AQP3: variants seen among roughly 807,000 people sequenced by gnomAD.
AQP3 encodes aquaporin 3 (Gill blood group), also known as aquaporin-3.
Under a neutral mutation model 30.3 loss-of-function variants are expected in AQP3, and 15 were observed. The ratio of observed to expected loss-of-function variants is 0.49; its 90% CI spans 0.33 to 0.76. The LOEUF (loss-of-function observed/expected upper bound fraction) is 0.76. Ranked by LOEUF, AQP3 falls within the 30% of genes least tolerant of loss-of-function variation. The pLI is 0.02. For missense variants in AQP3, 272 were observed against 384.8 expected, an observed-to-expected ratio of 0.71 and a Z score of 2.45; for synonymous variants, 153 against 163.2, an observed-to-expected ratio of 0.94 and a Z score of 0.47.
chr9:33,446,360 T>C (rs1249227967), intron 1 of AQP3, among the ~76,000 whole-genome samples: 1 of 152,110 alleles, frequency 6.6e-6, no homozygotes, highest in African/African-American at 2.4e-5. Context: ...CCTCAACCAT[T>C]TGGGGATCCC....
chr9:33,441,708 CCCCCA>C lies in AQP3; in HGVS notation c.*330_*334del. Reference sequence around the variant, plus strand: ...CCTTGCCCTGAATATCTGGGAACCCCCCCCACACACACACACCCCTGCACACACAT... The same window carrying C: ...CCTTGCCCTGAATATCTGGGAACCCCCACACACACACCCCTGCACACACAT... On this transcript the variant is annotated 3_prime_UTR_variant, in exon 6 of 6. Transcript: ENST00000297991. 1 of 417,910 alleles carries C rather than the reference CCCCCA, an allele frequency of 2.4e-6. No homozygotes were observed. The highest frequency in any genetic ancestry group is 4.1e-6 in the Non-Finnish European group (1 of 245,342). 25.9% of individuals were successfully genotyped at this position (417,910 alleles called of 1,614,324 possible). A position where few individuals can be genotyped will look rare whatever the true frequency, so the allele number is the denominator to read the frequency against.
rs1384500434 is a variant in AQP3 at position 33,442,310 on chromosome 9, G to A, written c.701C>T (p.Ala234Val). The stretch of plus-strand genomic sequence containing the variant: ...TGGGGGCTGTACTCACGTGAAGACT[G>A]CAGAGCCCCAGCCCGCAAGGGCTGT... Reference protein sequence around the residue: ...LFTALAGWGSAVFTTGQHWWW... With the variant: ...LFTALAGWGSVVFTTGQHWWW... Residue 234 changes from alanine to valine, a missense_variant, in exon 5 of 6, where the codon GCA (alanine) becomes GTA (valine). By Grantham distance (64) the Ala-to-Val change is moderately conservative. This residue lies in a region of AQP3 where 170 missense variants were observed against 286.4 expected (regional missense o/e 0.59). Coordinates refer to ENST00000297991, the MANE Select transcript of AQP3 (RefSeq NM_004925.5). 6.2e-7 allele frequency: 1 copy of A among 1,612,952 alleles called. No homozygotes were observed. The highest frequency in any genetic ancestry group is 8.5e-7 in the Non-Finnish European group (1 of 1,179,654).
Position 33,443,114 on chromosome 9 carries a change from G to C in AQP3, c.374-144C>G. 9.5e-7 allele frequency: 1 copy of C among 1,054,086 alleles called. No homozygotes were observed. The highest frequency in any genetic ancestry group is 1.4e-6 in the Non-Finnish European group (1 of 701,160). 65.3% of individuals were successfully genotyped at this position (1,054,086 alleles called of 1,614,324 possible). ...GCAGCAGGCAGAGGGGGTGGCGTGGGGTGGGGTGGAGGGCCTGAGACTCTG... is the reference window on the plus strand; with the variant it reads ...GCAGCAGGCAGAGGGGGTGGCGTGGCGTGGGGTGGAGGGCCTGAGACTCTG... On this transcript the variant is annotated intron_variant, in intron 3 of 5. Coordinates refer to ENST00000297991, the MANE Select transcript of AQP3 (RefSeq NM_004925.5). This position sits in a 1 kb window ranked among gnomAD's most constrained non-coding sequence, Gnocchi z 5.0.
Position 33,441,816 on chromosome 9 carries a change from T to G in AQP3, c.*227A>C, listed in dbSNP as rs767327688. Reference sequence around the variant, plus strand: ...TCCCTTGGGAGACAAAAGGATGTATTGACCCAAATTCCGGTTCCACCCCAG... The same window carrying G: ...TCCCTTGGGAGACAAAAGGATGTATGGACCCAAATTCCGGTTCCACCCCAG... On this transcript the variant is annotated 3_prime_UTR_variant, in exon 6 of 6. Coordinates refer to ENST00000297991, the MANE Select transcript of AQP3 (RefSeq NM_004925.5). The G allele has an allele frequency of 3.0e-6, 2 of 660,298 alleles. No homozygotes were observed. The highest frequency in any genetic ancestry group is 5.5e-5 in the Admixed American group (2 of 36,656). 40.9% of individuals were successfully genotyped at this position (660,298 alleles called of 1,614,324 possible). A position where few individuals can be genotyped will look rare whatever the true frequency, so the allele number is the denominator to read the frequency against.
At position 33,443,388 on chromosome 9, in the gene AQP3, G is replaced by T; in HGVS notation, c.306C>A (p.Pro102=). ...FLAREPWIKL[P]IYTLAQTLGA... is the part of the protein sequence containing the mutation. ...CCAGCGTCTGTGCCAGGGTGTAGATGGGCAGCTTGATCCAGGGCTCACGAG... is the reference window on the plus strand; with the variant it reads ...CCAGCGTCTGTGCCAGGGTGTAGATTGGCAGCTTGATCCAGGGCTCACGAG... The change falls in exon 3 of 6, where the codon CCC becomes CCA. Residue 102 remains proline, a synonymous_variant. Coordinates refer to ENST00000297991, the MANE Select transcript of AQP3 (RefSeq NM_004925.5). This position sits in a 1 kb window ranked among gnomAD's most constrained non-coding sequence, Gnocchi z 5.0. 6.2e-7 allele frequency: 1 copy of T among 1,604,050 alleles called. No homozygotes were observed. Among genetic ancestry groups the T allele is most frequent in the Non-Finnish European group, 8.5e-7 (1 of 1,175,670 alleles).
In AQP3 at chr9:33,441,883, G is replaced by C; in HGVS notation, c.*160C>G. On this transcript the variant is annotated 3_prime_UTR_variant, in exon 6 of 6. Transcript: ENST00000297991. ...TAAGGTGCTATTTGGGCAAGGTCCA[G>C]TGGAAATCCTGAAGGGGCTGTCTCG... The C allele has an allele frequency of 8.1e-7, 1 of 1,229,602 alleles. No individual in the cohort carries two copies. The highest frequency in any genetic ancestry group is 1.4e-5 in the South Asian group (1 of 70,304). The allele number at this position is 1,229,602 out of a possible 1,614,324, so 76.2% of individuals were successfully genotyped here. A position where few individuals can be genotyped will look rare whatever the true frequency, so the allele number is the denominator to read the frequency against.
intron 1 of AQP3, among the ~76,000 whole-genome samples, chr9:33,447,158 A>G (rs1826924926): frequency 6.6e-6 from 1 of 152,194 alleles, no homozygotes; most frequent in Non-Finnish European, 1.5e-5. Flanking sequence ...TGGCTGAGTC[A>G]CTTGTGGGAG....
chr9:33,447,307 A>C, intron 1 of AQP3, 116 bp downstream of exon 1: 1 of 898,512 alleles, frequency 1.1e-6, no homozygotes, highest in Non-Finnish European at 1.8e-6. Context: ...CGTGGGGGTC[A>C]CAGCTGGGGA....
rs1247288996 is a variant in AQP3, at chr9:33,443,360, C to A, written c.334G>T (p.Ala112Ser). 3.8e-6 allele frequency: 6 copies of A among 1,594,302 alleles called. No individual in the cohort carries two copies. The highest frequency in any genetic ancestry group is 5.1e-6 in the Non-Finnish European group (6 of 1,170,458). The change falls in exon 3 of 6, where the codon GCC becomes TCC. Residue 112 changes from alanine (A) to serine (S), a missense_variant. By Grantham distance (99) the Ala-to-Ser change is moderately conservative (BLOSUM62 1). This residue lies in a region of AQP3 where 170 missense variants were observed against 286.4 expected (regional missense o/e 0.59). Transcript: ENST00000297991. This position sits in a 1 kb window ranked among gnomAD's most constrained non-coding sequence, Gnocchi z 5.0. ...AAAACTATTCCAGCACCCAAGAAGG[C>A]TCCCAGCGTCTGTGCCAGGGTGTAG... The part of the protein sequence containing the change: ...PIYTLAQTLG[A>S]FLGAGIVFGL...
chr9:33,441,954 C>G lies in AQP3; in HGVS notation c.*89G>C. ...AGCTCCTTAGCCTGAAAGGGTGGAT[C>G]GTGAAGGGGGCTTCTTGGGAGTGGC... On this transcript the variant is annotated 3_prime_UTR_variant, in exon 6 of 6. Transcript: ENST00000297991. 6.4e-7 allele frequency: 1 copy of G among 1,553,918 alleles called. No homozygotes were observed. The highest frequency in any genetic ancestry group is 8.7e-7 in the Non-Finnish European group (1 of 1,145,554).
intron 4 of AQP3, 26 bp from the exon 5 acceptor site, chr9:33,442,544 G>T: frequency 6.3e-7 from 1 of 1,575,526 alleles, no homozygotes; most frequent in Non-Finnish European, 8.6e-7. Context: ...AACAGGGTGA[G>T]CTGCAGCTCC....
Position 33,443,146 on chromosome 9 carries a change from C to G in AQP3, c.373+175G>C. On this transcript the variant is annotated intron_variant, in intron 3 of 5. Transcript: ENST00000297991. This position sits in a 1 kb window ranked among gnomAD's most constrained non-coding sequence, Gnocchi z 5.0. ...TGGAGGGCCTGAGACTCTGTTATTG[C>G]CCAACTTGTTTCTTTCCCTTCGTGC... is the stretch of plus-strand genomic sequence containing the variant. 1 of 1,149,742 alleles carries G rather than the reference C, an allele frequency of 8.7e-7. No individual in the cohort carries two copies. Among genetic ancestry groups the G allele is most frequent in the Non-Finnish European group, 1.3e-6 (1 of 794,840 alleles). 71.2% of individuals were successfully genotyped at this position (1,149,742 alleles called of 1,614,324 possible).
rs1587199144 is a variant in AQP3, at chr9:33,443,617, A to C, written c.235+149T>G. ...ATCTCTGATTCCAAGGTGAGAGTCGAAAGTTCTAAGTGTCAAGTTTCTTCT... is the reference window on the plus strand; with the variant it reads ...ATCTCTGATTCCAAGGTGAGAGTCGCAAGTTCTAAGTGTCAAGTTTCTTCT... On this transcript the variant is annotated intron_variant, in intron 2 of 5. Transcript: ENST00000297991. The surrounding 1 kb of genome is among the most constrained non-coding windows in gnomAD (Gnocchi z 5.0). 1 of 1,476,302 alleles carries C rather than the reference A, an allele frequency of 6.8e-7. No homozygotes were observed. The highest frequency in any genetic ancestry group is 2.4e-5 in the East Asian group (1 of 42,126). 91.5% of individuals were successfully genotyped at this position (1,476,302 alleles called of 1,614,324 possible).
Position 33,441,981 on chromosome 9 carries a change from C to G in AQP3, c.*62G>C, listed in dbSNP as rs757723226. On this transcript the variant is annotated 3_prime_UTR_variant, in exon 6 of 6. Transcript: ENST00000297991. ...TGAAGGGGGCTTCTTGGGAGTGGCC[C>G]TTGGACAGTCAGTGGATGCTCAAGG... The G allele has an allele frequency of 6.3e-7, 1 of 1,594,050 alleles. No homozygotes were observed. The highest frequency in any genetic ancestry group is 2.2e-5 in the East Asian group (1 of 44,624).
chr9:33,447,406 C>T lies in AQP3; in HGVS notation c.108+17G>A, dbSNP rs766832648. On this transcript the variant is annotated intron_variant, in intron 1 of 5. Transcript: ENST00000297991. ...AGGGCTGGAGAGAGAAGGGCTTCCC[C>T]GGCTCCCTCCACTCACCACCAGGAT... 5 of 1,571,990 alleles carry T rather than the reference C, an allele frequency of 3.2e-6. No homozygotes were observed. Among genetic ancestry groups the T allele is most frequent in the South Asian group, 1.2e-5 (1 of 86,796 alleles).
At chr9:33,445,130 C>G (rs1826896599) in intron 1 of AQP3, among the ~76,000 whole-genome samples, 1 of 152,126 alleles carries the variant, frequency 6.6e-6, no homozygotes. Flanking sequence ...GACTTTGTCT[C>G]TATTTAAAAA....
chr9:33,442,330 G>A lies in AQP3; in HGVS notation c.681C>T (p.Ala227=). The change falls in exon 5 of 6, where the codon GCC becomes GCT. Residue 227 remains alanine, a synonymous_variant. Transcript: ENST00000297991. ...ARDFGPRLFT[A]LAGWGSAVFT... The stretch of plus-strand genomic sequence containing the variant: ...AGACTGCAGAGCCCCAGCCCGCAAG[G>A]GCTGTAAAAAGGCGGGGGCCAAAGT... 6.2e-7 allele frequency: 1 copy of A among 1,613,142 alleles called. No homozygotes were observed. The highest frequency in any genetic ancestry group is 1.1e-5 in the South Asian group (1 of 90,932).
At chr9:33,446,346 T>C (rs1003145294) in intron 1 of AQP3, among the ~76,000 whole-genome samples, 4 of 152,202 alleles carry the variant, frequency 2.6e-5, no homozygotes, top group African/African-American at 9.7e-5. Context: ...CCATAGATCC[T>C]GATCCTCAAC....
rs765198766 is a variant in AQP3, at chr9:33,442,979, A to G, written c.374-9T>C. 6 of 1,611,820 alleles carry G rather than the reference A, an allele frequency of 3.7e-6. No homozygotes were observed. Among genetic ancestry groups the G allele is most frequent in the Admixed American group, 3.3e-5 (2 of 60,006 alleles). On this transcript the variant is annotated splice_polypyrimidine_tract_variant and intron_variant, in intron 3 of 5. Coordinates refer to ENST00000297991, the MANE Select transcript of AQP3 (RefSeq NM_004925.5). ...GAAGTGCCAGATTGCATCTGGTGAC[A>G]GATTAGACACACAGTGAGTCGGGGG...
Sources: allele counts gnomAD v4.1 joint callset (sites outside exome capture counted in the v4.1 genomes callset), GRCh38; gene constraint gnomAD v4.1.1; regional missense constraint gnomAD v4.1.1; non-coding constraint Gnocchi (gnomAD v3.1); transcripts MANE v1.5; gene names NCBI Gene and HGNC (gene_info 2026-07-23, HGNC 2026-07-21).